ZNF385D: variants seen among roughly 807,000 people sequenced by gnomAD.
ZNF385D encodes zinc finger protein 385D.
ZNF385D carries 15 observed loss-of-function variants against 35.8 expected under a neutral mutation model. That is an observed-to-expected ratio of 0.42 (90% CI 0.28 to 0.64). ZNF385D has a LOEUF of 0.64. Among genes scored for constraint, ZNF385D ranks in the 30% least tolerant of loss-of-function variants. The pLI, the probability that ZNF385D is intolerant of heterozygous loss-of-function variation, is 0.23. For missense variants in ZNF385D, 474 were observed against 494.6 expected (o/e 0.96, Z 0.39); for synonymous variants, 212 against 186.8 (o/e 1.13, Z -1.10).
At chr3:21,697,171 A>G in intron 1 of ZNF385D, among the ~76,000 whole-genome samples, 1 of 152,164 alleles carries the variant, frequency 6.6e-6, no homozygotes, top group Admixed American at 6.5e-5. Flanking sequence ...GGGAGGTAGT[A>G]AAAGCTGAAG....
chr3:21,965,596 T>A lies in ZNF385D; in HGVS notation c.325+203221A>T, dbSNP rs75166632. Among the ~76,000 whole-genome samples the A allele has an allele frequency of 6.7e-3, 1,015 of 152,262 alleles. 27 individuals are homozygous for A. In the East Asian group the frequency reaches 0.071, roughly 11 times the overall value. On this transcript the variant is annotated intron_variant, in intron 3 of 5. Coordinates refer to the ZNF385D transcript ENST00000494108. ...TAAAAGACTCAACATGAAAACTAAA[T>A]GCAGTATATGAGTCTAGATTGGATT...
intron 2 of ZNF385D, among the ~76,000 whole-genome samples, chr3:22,232,546 C>A (rs955053118): frequency 3.3e-5 from 5 of 152,106 alleles, no homozygotes; most frequent in Non-Finnish European, 7.3e-5. Context: ...TCTAGCTCCC[C>A]ATCCCTGACA....
intron 2 of ZNF385D, among the ~76,000 whole-genome samples, chr3:22,243,411 G>C (rs1300395317): frequency 2.0e-5 from 3 of 151,152 alleles, no homozygotes; most frequent in East Asian, 2.0e-4. Flanking sequence ...AGGGGAAACA[G>C]TGAGTTGACA....
At chr3:21,426,782 C>T (rs1450846428) in intron 5 of ZNF385D, among the ~76,000 whole-genome samples, 1 of 152,084 alleles carries the variant, frequency 6.6e-6, no homozygotes, top group African/African-American at 2.4e-5. Flanking sequence ...TTGTGAAGGG[C>T]ACTCGAGGTC....
chr3:21,569,398 T>G (rs1404638909), intron 2 of ZNF385D, among the ~76,000 whole-genome samples: 2 of 150,666 alleles, frequency 1.3e-5, no homozygotes, highest in African/African-American at 4.9e-5. Flanking sequence ...TGCCTTTTTT[T>G]GTTTTCCATT....
chr3:21,593,213 C>T (rs1364463421), intron 2 of ZNF385D, among the ~76,000 whole-genome samples: 1 of 152,164 alleles, frequency 6.6e-6, no homozygotes, highest in Non-Finnish European at 1.5e-5. Context: ...CTCTGGCTAT[C>T]TGTCCTTAAA....
intron 3 of ZNF385D, among the ~76,000 whole-genome samples, chr3:21,890,061 T>C (rs982122616): frequency 2.0e-5 from 3 of 152,176 alleles, no homozygotes; most frequent in Admixed American, 2.0e-4. Flanking sequence ...TTAAATACCC[T>C]ATCTGCAAAT....
chr3:21,471,690 A>G (rs1703909662), intron 4 of ZNF385D, among the ~76,000 whole-genome samples: 1 of 152,140 alleles, frequency 6.6e-6, no homozygotes, highest in South Asian at 2.1e-4. Flanking sequence ...GTTTTGTCTT[A>G]TTTGAAATAG....
intron 3 of ZNF385D, among the ~76,000 whole-genome samples, chr3:22,031,164 T>C (rs1697976069): frequency 6.6e-6 from 1 of 152,190 alleles, no homozygotes. Flanking sequence ...CTTTTCCAAG[T>C]GCAAGGTGAA....
intron 2 of ZNF385D, among the ~76,000 whole-genome samples, chr3:22,336,240 A>G (rs1217380310): frequency 6.6e-6 from 1 of 152,180 alleles, no homozygotes; most frequent in Non-Finnish European, 1.5e-5. Flanking sequence ...GCATTCCATT[A>G]TGATATAATG....
chr3:21,799,357 G>T (rs932784759), intron 3 of ZNF385D, among the ~76,000 whole-genome samples: 3 of 152,082 alleles, frequency 2.0e-5, no homozygotes, highest in Non-Finnish European at 2.9e-5. Context: ...TTTCCACAGT[G>T]ACTGCACCAT....
At chr3:21,550,982 A>G (rs991917543) in intron 3 of ZNF385D, among the ~76,000 whole-genome samples, 5 of 152,298 alleles carry the variant, frequency 3.3e-5, no homozygotes, top group Middle Eastern at 3.4e-3. Flanking sequence ...TTACTTTATT[A>G]TAGTTCAATA....
chr3:21,528,928 C>A (rs757388324), intron 3 of ZNF385D, among the ~76,000 whole-genome samples: 2 of 152,152 alleles, frequency 1.3e-5, no homozygotes, highest in Admixed American at 1.3e-4. Context: ...GTTCTATGGC[C>A]TTAAGAAAAA....
chr3:21,840,970 T>C (rs895895302), intron 3 of ZNF385D, among the ~76,000 whole-genome samples: 1 of 151,980 alleles, frequency 6.6e-6, no homozygotes, highest in Admixed American at 6.6e-5. Context: ...ATGTATCCAA[T>C]CTGGGTTGGT....
intron 2 of ZNF385D, among the ~76,000 whole-genome samples, chr3:22,218,114 GA>G (rs1431069635): frequency 6.6e-6 from 1 of 152,002 alleles, no homozygotes; most frequent in Non-Finnish European, 1.5e-5. Flanking sequence ...CATTCAACAA[GA>G]CTGTAAATTC....
At chr3:21,975,882 T>G (rs6790776) in intron 3 of ZNF385D, among the ~76,000 whole-genome samples, 104,022 of 150,980 alleles carry the variant, frequency 0.69, 36,921 homozygotes, top group African/African-American at 0.84. Context: ...TCTGATTAAC[T>G]ACACAGGACA....
chr3:21,763,567 A>G (rs1575607789), intron 3 of ZNF385D, among the ~76,000 whole-genome samples: 1 of 152,184 alleles, frequency 6.6e-6, no homozygotes, highest in Non-Finnish European at 1.5e-5. Flanking sequence ...ATAACATTAT[A>G]TATTACAGGC....
At chr3:22,313,453 G>C (rs1703699426) in intron 2 of ZNF385D, among the ~76,000 whole-genome samples, 1 of 151,884 alleles carries the variant, frequency 6.6e-6, no homozygotes. Flanking sequence ...ATACAACATG[G>C]ACTGTAGAAA....
At chr3:21,862,142 T>C (rs1193623110) in intron 3 of ZNF385D, among the ~76,000 whole-genome samples, 2 of 152,110 alleles carry the variant, frequency 1.3e-5, no homozygotes, top group African/African-American at 4.8e-5. Context: ...GCTTATATGA[T>C]CACTTTTCCA....
Sources: gnomAD v4.1 joint callset for allele counts (sites outside exome capture counted in the v4.1 genomes callset) on GRCh38, gnomAD v4.1.1 for gene constraint, MANE v1.5 for transcripts, NCBI Gene and HGNC (gene_info 2026-07-23, HGNC 2026-07-21) for gene names.